Variants in PDCD6IP observed in about 807,000 individuals in gnomAD.
The protein encoded by PDCD6IP is programmed cell death 6 interacting protein.
In PDCD6IP, 43 loss-of-function variants were observed where a neutral mutation model predicts 103.7. That is an observed-to-expected ratio of 0.41 (90% CI 0.32 to 0.53). The LOEUF is 0.53. PDCD6IP is among the 20% of genes least tolerant of loss of function. The pLI is 0.16. For synonymous variants in PDCD6IP, 354 were observed against 378.7 expected (o/e 0.93, Z 0.76); for missense variants, 871 against 1,036.7 (o/e 0.84, Z 2.20).
At chr3:33,828,496 G>A (rs1426165177) in intron 6 of PDCD6IP, 3 of 165,874 alleles carry the variant, frequency 1.8e-5, no homozygotes, top group African/African-American at 7.2e-5. Flanking sequence ...TGTGCTTTGT[G>A]TTCCTCTGTG....
rs747610252 is a variant in PDCD6IP, at chr3:33,863,974, A to T, written c.2121-32A>T. 34 of 1,443,550 alleles carry T rather than the reference A, an allele frequency of 2.4e-5. No individual in the cohort carries two copies. In the South Asian group the frequency reaches 3.4e-4, roughly 15 times the overall value. The allele number at this position is 1,443,550 out of a possible 1,614,324, so 89.4% of individuals were successfully genotyped here. A position where few individuals can be genotyped will look rare whatever the true frequency, so the allele number is the denominator to read the frequency against. On this transcript the variant is annotated intron_variant, in intron 15 of 17. Coordinates refer to ENST00000307296, the MANE Select transcript of PDCD6IP (RefSeq NM_013374.6). ...TTATGTGTGTTAATTTTTTTCTATCATGTTAATTTTTAACACTCTGTCTTT... is the reference window on the plus strand; with the variant it reads ...TTATGTGTGTTAATTTTTTTCTATCTTGTTAATTTTTAACACTCTGTCTTT...
At chr3:33,866,106 T>C (rs1257117585) in intron 17 of PDCD6IP, among the ~76,000 whole-genome samples, 2 of 152,168 alleles carry the variant, frequency 1.3e-5, no homozygotes, top group Non-Finnish European at 2.9e-5. Context: ...ATATTTAATC[T>C]TATTTTCTTC....
intron 12 of PDCD6IP, 30 bp downstream of exon 12, chr3:33,845,618 A>C (rs369521529): frequency 2.0e-6 from 3 of 1,535,448 alleles, no homozygotes; most frequent in Non-Finnish European, 2.7e-6. Context: ...GTAGGTTGTC[A>C]TCTGCTTAAG....
chr3:33,814,705 A>G (rs1238702718), intron 3 of PDCD6IP, among the ~76,000 whole-genome samples: 2 of 146,124 alleles, frequency 1.4e-5, no homozygotes, highest in Non-Finnish European at 3.0e-5. Context: ...ATATATATGT[A>G]TGTATATATG....
intron 12 of PDCD6IP, among the ~76,000 whole-genome samples, chr3:33,852,240 G>C (rs1697729571): frequency 6.6e-6 from 1 of 152,128 alleles, no homozygotes; most frequent in Non-Finnish European, 1.5e-5. Context: ...TTAGCATGGT[G>C]CCTAACACAT....
intron 3 of PDCD6IP, among the ~76,000 whole-genome samples, chr3:33,821,083 T>G (rs1334419681): frequency 6.6e-6 from 1 of 152,160 alleles, no homozygotes; most frequent in African/African-American, 2.4e-5. Context: ...CATAGCTCAC[T>G]GCAGCCTTGA....
intron 7 of PDCD6IP, 81 bp downstream of exon 7, chr3:33,829,050 A>C: frequency 1.6e-6 from 2 of 1,215,500 alleles, no homozygotes; most frequent in Admixed American, 2.5e-5. Context: ...AAGTTTGCCC[A>C]TAAAAACCTT....
intron 8 of PDCD6IP, among the ~76,000 whole-genome samples, chr3:33,836,558 A>C (rs963290598): frequency 1.3e-5 from 2 of 152,138 alleles, no homozygotes; most frequent in African/African-American, 4.8e-5. Context: ...TGCTGCCATT[A>C]AAAATAAACA....
chr3:33,824,319 G>A (rs1055213695), intron 4 of PDCD6IP, among the ~76,000 whole-genome samples: 2 of 149,886 alleles, frequency 1.3e-5, no homozygotes, highest in East Asian at 2.0e-4. Flanking sequence ...GTACAATGGC[G>A]TGATCTTGGC....
chr3:33,853,817 A>T, intron 13 of PDCD6IP, 62 bp from the exon 14 acceptor site: 1 of 1,226,428 alleles, frequency 8.2e-7, no homozygotes, highest in Non-Finnish European at 1.1e-6. Context: ...ATCAATAAAA[A>T]TGTTATGAGC....
At chr3:33,835,947 T>A in intron 7 of PDCD6IP, 97 bp from the exon 8 acceptor site, 1 of 712,296 alleles carries the variant, frequency 1.4e-6, no homozygotes, top group Middle Eastern at 3.8e-4. Flanking sequence ...GATTAAAGAT[T>A]TTTTTTTTGA....
At chr3:33,847,670 G>A (rs776108313) in intron 12 of PDCD6IP, among the ~76,000 whole-genome samples, 4 of 152,232 alleles carry the variant, frequency 2.6e-5, no homozygotes, top group Middle Eastern at 3.4e-3. Context: ...CCTACTGTCT[G>A]GTTACTTATT....
Position 33,831,771 on chromosome 3 carries a change from C to CAT in PDCD6IP, c.834+2803_834+2804insTA, listed in dbSNP as rs913677716. On this transcript the variant is annotated intron_variant, in intron 7 of 17. Coordinates refer to ENST00000307296, the MANE Select transcript of PDCD6IP (RefSeq NM_013374.6). Reference sequence around the variant, plus strand: ...CAAATATATACATAGACAGCACACACACACACACACATTGCACATTCTCAC... The same window carrying CAT: ...CAAATATATACATAGACAGCACACACATACACACACACATTGCACATTCTCAC... 3.0e-4 allele frequency among the ~76,000 whole-genome samples: 45 copies of CAT among 151,842 alleles called. 1 individual carries two copies. Among genetic ancestry groups the CAT allele is most frequent in the Non-Finnish European group, 8.8e-5 (6 of 67,966 alleles).
At position 33,821,929 on chromosome 3, in the gene PDCD6IP, A is replaced by T. The variant is rs1369299535; in HGVS notation, c.335-26A>T. The T allele has an allele frequency of 6.3e-6, 10 of 1,596,230 alleles. No individual in the cohort carries two copies. The South Asian group carries it at 9.0e-5, about 14-fold the overall frequency. ...TTTCTTTAGAAAAAATAATCTGATG[A>T]ATTTTTCCTTCTCAATTTTTTACAG... is the stretch of plus-strand genomic sequence containing the variant. On this transcript the variant is annotated intron_variant, in intron 3 of 17. Transcript: ENST00000307296.
chr3:33,798,989 C>T, intron 1 of PDCD6IP, 52 bp downstream of exon 1: 15 of 1,415,128 alleles, frequency 1.1e-5, no homozygotes, highest in Non-Finnish European at 1.4e-5. Context: ...TCGCTCGCCG[C>T]TCCTCTTCCC....
intron 4 of PDCD6IP, among the ~76,000 whole-genome samples, chr3:33,823,440 A>G (rs1323756416): frequency 6.6e-6 from 1 of 152,234 alleles, no homozygotes; most frequent in African/African-American, 2.4e-5. Context: ...GATGACAAAC[A>G]TAATGCATAC....
chr3:33,833,228 T>C (rs557185543), intron 7 of PDCD6IP, among the ~76,000 whole-genome samples: 1 of 152,220 alleles, frequency 6.6e-6, no homozygotes, highest in South Asian at 2.1e-4. Flanking sequence ...TAATATTAAT[T>C]AGTAGTTAAT....
At chr3:33,820,976 ATTG>A (rs1423490357) in intron 3 of PDCD6IP, among the ~76,000 whole-genome samples, 1 of 152,024 alleles carries the variant, frequency 6.6e-6, no homozygotes, top group Non-Finnish European at 1.5e-5. Flanking sequence ...GACCTGCCAT[ATTG>A]TTTTCCACAG....
At position 33,845,572 on chromosome 3, in the gene PDCD6IP, C is replaced by G. The variant is rs769994689; in HGVS notation, c.1625C>G (p.Thr542Ser). ...AAIPSANPAK[T>S]MQGSEVVNVL... ...ATCCCTTCTGCTAATCCAGCAAAGA[C>G]CATGCAGGGCAGTGAGGTAAGAAGG... is the stretch of plus-strand genomic sequence containing the variant. Residue 542 changes from threonine (T) to serine (S), a missense_variant, in exon 12 of 18, where the codon ACC (threonine) becomes AGC (serine). Coordinates refer to ENST00000307296, the MANE Select transcript of PDCD6IP (RefSeq NM_013374.6). 1 of 1,608,150 alleles carries G rather than the reference C, an allele frequency of 6.2e-7. No homozygotes were observed. The highest frequency in any genetic ancestry group is 8.5e-7 in the Non-Finnish European group (1 of 1,176,430).
Sources: gnomAD v4.1 joint callset for allele counts (sites outside exome capture counted in the v4.1 genomes callset) on GRCh38, gnomAD v4.1.1 for gene constraint, MANE v1.5 for transcripts, NCBI Gene and HGNC (gene_info 2026-07-23, HGNC 2026-07-21) for gene names.